Variants in PRKN observed in about 807,000 individuals in gnomAD.
PRKN encodes the protein parkin RBR E3 ubiquitin protein ligase, also known as E3 ubiquitin-protein ligase parkin.
Under a neutral mutation model 59.5 loss-of-function variants are expected in PRKN, and 56 were observed. The observed-to-expected ratio is 0.94, with a 90% CI of 0.76 to 1.18. PRKN has a LOEUF of 1.18. Among genes scored for constraint, PRKN ranks in the 50% most tolerant of loss-of-function variants. The probability of loss-of-function intolerance (pLI) is 0.00; values close to 1 mark genes in which losing one functional copy is unlikely to be tolerated. For synonymous variants in PRKN, 250 were observed against 222.1 expected (o/e 1.13, Z -1.12); for missense variants, 657 against 596.4 (o/e 1.10, Z -1.06).
chr6:161,910,225 A>G (rs945220995), intron 6 of PRKN, among the ~76,000 whole-genome samples: 1 of 152,132 alleles, frequency 6.6e-6, no homozygotes, highest in African/African-American at 2.4e-5. Flanking sequence ...TGCCGTGAAC[A>G]TTGTTGGAAT....
At chr6:162,681,299 G>C (rs1040230154) in intron 1 of PRKN, among the ~76,000 whole-genome samples, 1 of 152,144 alleles carries the variant, frequency 6.6e-6, no homozygotes, top group African/African-American at 2.4e-5. Context: ...AATCAAATAT[G>C]ACAGAAATTA....
At chr6:161,859,853 T>C (rs991908428) in intron 6 of PRKN, among the ~76,000 whole-genome samples, 11 of 152,114 alleles carry the variant, frequency 7.2e-5, no homozygotes, top group Non-Finnish European at 1.5e-4. Context: ...CTAAGATTTA[T>C]ATATAAAGCA....
At chr6:162,707,899 G>C (rs2320884) in intron 1 of PRKN, among the ~76,000 whole-genome samples, 4,368 of 152,112 alleles carry the variant, frequency 0.029, 84 homozygotes, top group South Asian at 0.045. Context: ...ATTTTTAGTA[G>C]AGACAGGGCT....
At chr6:162,663,018 T>C (rs916405450) in intron 1 of PRKN, among the ~76,000 whole-genome samples, 7 of 152,130 alleles carry the variant, frequency 4.6e-5, no homozygotes, top group African/African-American at 1.4e-4. Context: ...CATCTTGCAC[T>C]GGGAGAACAA....
At chr6:161,972,485 T>C (rs117525926) in intron 6 of PRKN, among the ~76,000 whole-genome samples, 6,160 of 152,264 alleles carry the variant, frequency 0.04, 182 homozygotes, top group Non-Finnish European at 0.062. Flanking sequence ...CCTTGGCTCC[T>C]ACACCGCAAT....
At chr6:161,833,308 G>A (rs1792590820) in intron 6 of PRKN, among the ~76,000 whole-genome samples, 1 of 152,222 alleles carries the variant, frequency 6.6e-6, no homozygotes, top group African/African-American at 2.4e-5. Context: ...TGCTTGCCCG[G>A]AGGCCTGAGC....
At chr6:162,069,070 C>T (rs1279232859) in intron 4 of PRKN, among the ~76,000 whole-genome samples, 3 of 152,076 alleles carry the variant, frequency 2.0e-5, no homozygotes, top group Non-Finnish European at 4.4e-5. Context: ...CATTTTATAG[C>T]TTGGGAGATG....
chr6:162,463,511 T>C (rs1791268412), intron 1 of PRKN, among the ~76,000 whole-genome samples: 1 of 152,196 alleles, frequency 6.6e-6, no homozygotes, highest in African/African-American at 2.4e-5. Context: ...AAGTGCTTCC[T>C]GTCTGTCATA....
chr6:161,953,952 A>G (rs1780078201), intron 6 of PRKN, among the ~76,000 whole-genome samples: 1 of 152,198 alleles, frequency 6.6e-6, no homozygotes, highest in Non-Finnish European at 1.5e-5. Context: ...ACTATGTGAC[A>G]TTGAATTACA....
intron 4 of PRKN, among the ~76,000 whole-genome samples, chr6:162,095,852 G>T (rs1343144690): frequency 6.6e-6 from 1 of 152,154 alleles, no homozygotes; most frequent in East Asian, 1.9e-4. Context: ...GAGGGCCACA[G>T]TTTCCTCATC....
chr6:162,588,105 G>C (rs1781141414), intron 1 of PRKN, among the ~76,000 whole-genome samples: 1 of 150,662 alleles, frequency 6.6e-6, no homozygotes, highest in Non-Finnish European at 1.5e-5. Flanking sequence ...CCGCTTCCTG[G>C]GTTCAAGCAA....
chr6:161,404,664 T>A (rs1787185134), intron 9 of PRKN, among the ~76,000 whole-genome samples: 2 of 152,234 alleles, frequency 1.3e-5, no homozygotes, highest in Non-Finnish European at 2.9e-5. Context: ...GGCTCTGTGT[T>A]CAGAAAGACT....
intron 6 of PRKN, among the ~76,000 whole-genome samples, chr6:161,852,086 C>CA (rs33977899): frequency 0.21 from 25,857 of 121,408 alleles, 2,660 homozygotes; most frequent in East Asian, 0.4. Flanking sequence ...GACTCCGTCT[C>CA]AAAAAAAAAA....
intron 7 of PRKN, among the ~76,000 whole-genome samples, chr6:161,630,556 A>C (rs1210344747): frequency 1.3e-5 from 2 of 152,190 alleles, no homozygotes; most frequent in African/African-American, 4.8e-5. Context: ...ACATTGTTTT[A>C]AGATGTCTTT....
In PRKN at chr6:161,592,635, G is replaced by C. The variant is rs745900436; in HGVS notation, c.872-23219C>G. Among the ~76,000 whole-genome samples the C allele has an allele frequency of 3.3e-5, 5 of 152,116 alleles. No homozygotes were observed. The highest frequency in any genetic ancestry group is 2.1e-4 in the South Asian group (1 of 4,830). Reference sequence around the variant, plus strand: ...ACAAACTAAAGAGAGAAAACCCTAAGGGCTATGGAGAAAGATGAAGCAGGG... The same window carrying C: ...ACAAACTAAAGAGAGAAAACCCTAACGGCTATGGAGAAAGATGAAGCAGGG... On this transcript the variant is annotated intron_variant, in intron 7 of 11. Transcript: ENST00000366898. The surrounding 1 kb of genome is among the most constrained non-coding windows in gnomAD (Gnocchi z 4.8).
At chr6:162,078,690 T>C (rs1778932038) in intron 4 of PRKN, among the ~76,000 whole-genome samples, 1 of 152,058 alleles carries the variant, frequency 6.6e-6, no homozygotes, top group Admixed American at 6.6e-5. Context: ...GAGAGCTGTA[T>C]TGGGTATTTA....
chr6:162,630,541 C>G (rs1309674907), intron 1 of PRKN, among the ~76,000 whole-genome samples: 1 of 152,120 alleles, frequency 6.6e-6, no homozygotes, highest in African/African-American at 2.4e-5. Context: ...AACATGACTT[C>G]TATCTAGTGA....
chr6:161,906,485 G>A (rs987175750), intron 6 of PRKN, among the ~76,000 whole-genome samples: 1 of 151,918 alleles, frequency 6.6e-6, no homozygotes, highest in East Asian at 1.9e-4. Flanking sequence ...TCTGGCCAAG[G>A]AGAAGCCACT....
intron 1 of PRKN, among the ~76,000 whole-genome samples, chr6:162,577,825 A>C (rs1156731386): frequency 6.6e-6 from 1 of 152,134 alleles, no homozygotes; most frequent in Non-Finnish European, 1.5e-5. Flanking sequence ...GCTACTTGAG[A>C]AGCTCAGGTG....
Sources: gnomAD v4.1 joint callset for allele counts (sites outside exome capture counted in the v4.1 genomes callset) on GRCh38, gnomAD v4.1.1 for gene constraint, Gnocchi (gnomAD v3.1) non-coding constraint, MANE v1.5 for transcripts, NCBI Gene and HGNC (gene_info 2026-07-23, HGNC 2026-07-21) for gene names.